The following PCNX2 variants were observed in gnomAD, a reference collection of about 807,000 sequenced individuals.
PCNX2 encodes pecanex-like protein 2.
Under a neutral mutation model 223.8 loss-of-function variants are expected in PCNX2, and 168 were observed. That is an observed-to-expected ratio of 0.75 (90% CI 0.66 to 0.85). The LOEUF is 0.85. Ranked by LOEUF, PCNX2 falls within the 40% of genes least tolerant of loss-of-function variation. PCNX2 has a pLI of 0.00. For missense variants in PCNX2, 2,507 were observed against 2,675.5 expected, an observed-to-expected ratio of 0.94 and a Z score of 1.39; for synonymous variants, 1,006 against 1,052.6, an observed-to-expected ratio of 0.96 and a Z score of 0.86.
chr1:232,989,243 A>T (rs1439975621), intron 32 of PCNX2, among the ~76,000 whole-genome samples: 1 of 152,174 alleles, frequency 6.6e-6, no homozygotes, highest in Non-Finnish European at 1.5e-5. Context: ...TCACGAGGTC[A>T]GGAGATCGAG....
intron 10 of PCNX2, among the ~76,000 whole-genome samples, chr1:233,224,260 G>A (rs976795900): frequency 2.0e-5 from 3 of 152,228 alleles, no homozygotes; most frequent in African/African-American, 7.2e-5. Flanking sequence ...GTAATGGCAA[G>A]ATATGAAATC....
At position 232,991,655 on chromosome 1, in the gene PCNX2, A is replaced by G. The variant is rs1669702851; in HGVS notation, c.5792-5115T>C. Among the ~76,000 whole-genome samples the G allele has an allele frequency of 6.6e-6, 1 of 152,186 alleles. No individual in the cohort carries two copies. Among genetic ancestry groups the G allele is most frequent in the Admixed American group, 6.5e-5 (1 of 15,286 alleles). Reference sequence around the variant, plus strand: ...TTATAAAAAGGGGACGTGTGGACACAGAGAAGTACAGGGAGAACATGATGT... The same window carrying G: ...TTATAAAAAGGGGACGTGTGGACACGGAGAAGTACAGGGAGAACATGATGT... On this transcript the variant is annotated intron_variant, in intron 32 of 33. Transcript: ENST00000258229. This position sits in a 1 kb window ranked among gnomAD's most constrained non-coding sequence, Gnocchi z 4.3.
intron 28 of PCNX2, among the ~76,000 whole-genome samples, chr1:233,007,315 C>G (rs570738225): frequency 3.3e-5 from 5 of 152,048 alleles, no homozygotes; most frequent in African/African-American, 9.6e-5. Context: ...AGGCTCCTCT[C>G]ATTCTCACGG....
chr1:233,292,009 T>C (rs1661792624), intron 1 of PCNX2: 1 of 980,928 alleles, frequency 1.0e-6, no homozygotes, highest in Non-Finnish European at 1.2e-6. Context: ...CAAACATTTC[T>C]CACAAATATA....
rs1291151326 is a variant in PCNX2 at position 233,112,718 on chromosome 1, A to T, written c.3838-16855T>A. The T allele has an allele frequency of 8.7e-6, 6 of 693,640 alleles. No individual in the cohort carries two copies. In the South Asian group the frequency reaches 9.6e-5, roughly 11 times the overall value. 43.0% of individuals were successfully genotyped at this position (693,640 alleles called of 1,614,324 possible). A position where few individuals can be genotyped will look rare whatever the true frequency, so the allele number is the denominator to read the frequency against. The stretch of plus-strand genomic sequence containing the variant: ...GTGTCTGTGTAGATCTTTGAACAAT[A>T]TAACTAAATTCACATATTTATTATA... On this transcript the variant is annotated intron_variant, in intron 21 of 33. Transcript: ENST00000258229.
chr1:233,251,416 T>A (rs1487515922), intron 7 of PCNX2, among the ~76,000 whole-genome samples: 2 of 152,214 alleles, frequency 1.3e-5, no homozygotes, highest in East Asian at 3.9e-4. Context: ...CAGTTCAGGA[T>A]ACTGAGGTGT....
intron 25 of PCNX2, among the ~76,000 whole-genome samples, chr1:233,041,701 G>A (rs561506946): frequency 3.9e-5 from 6 of 152,218 alleles, no homozygotes; most frequent in Non-Finnish European, 7.3e-5. Flanking sequence ...GTATTCTGGT[G>A]ATGACACTGA....
chr1:233,033,034 T>C (rs1030716597), intron 25 of PCNX2: 2 of 985,420 alleles, frequency 2.0e-6, no homozygotes, highest in Non-Finnish European at 2.4e-6. Flanking sequence ...TCAAAGCATA[T>C]TCCCTCCAAA....
At chr1:232,989,849 C>G (rs576613730) in intron 32 of PCNX2, among the ~76,000 whole-genome samples, 1 of 152,356 alleles carries the variant, frequency 6.6e-6, no homozygotes, top group South Asian at 2.1e-4. Context: ...GGCTGAGACC[C>G]ATAGGCAAGC....
chr1:233,018,668 G>T, intron 26 of PCNX2: 1 of 710,888 alleles, frequency 1.4e-6, no homozygotes, highest in Non-Finnish European at 1.7e-6. Context: ...TGGAGTCCCT[G>T]CCAGCGTGCA....
At chr1:232,988,389 C>T (rs533573562) in intron 32 of PCNX2, among the ~76,000 whole-genome samples, 19 of 151,682 alleles carry the variant, frequency 1.3e-4, no homozygotes, top group Admixed American at 5.3e-4. Flanking sequence ...CCCCGCCACC[C>T]GATTTCATTG....
At chr1:233,127,012 C>G (rs574633743) in intron 21 of PCNX2, among the ~76,000 whole-genome samples, 1 of 152,278 alleles carries the variant, frequency 6.6e-6, no homozygotes, top group South Asian at 2.1e-4. Context: ...TTCCCTTCTT[C>G]CCCTCACTTC....
chr1:233,227,981 G>GA (rs201374331), intron 9 of PCNX2, among the ~76,000 whole-genome samples: 2,717 of 146,372 alleles, frequency 0.019, 78 homozygotes, highest in African/African-American at 0.063. Context: ...ATTCAATTTT[G>GA]AAAAAAAAAA....
intron 19 of PCNX2, among the ~76,000 whole-genome samples, chr1:233,145,265 C>T (rs370666574): frequency 5.3e-5 from 8 of 152,150 alleles, no homozygotes; most frequent in East Asian, 1.9e-4. Flanking sequence ...TGCACCTGGC[C>T]GGTGCTATGT....
Position 233,259,167 on chromosome 1 carries a change from C to T in PCNX2, c.695G>A (p.Gly232Glu), listed in dbSNP as rs571746720. ...GCGCAAAGGAGGCTGCCCCTTGCCTCCTCTTTCCTTTCCTTTACCATTGAT... is the reference window on the plus strand; with the variant it reads ...GCGCAAAGGAGGCTGCCCCTTGCCTTCTCTTTCCTTTCCTTTACCATTGAT... ...TLINGKGKERGGKGQPPLRHR... is the reference protein window; with the variant it reads ...TLINGKGKEREGKGQPPLRHR... The change falls in exon 5 of 34, where the codon GGA (glycine) becomes GAA (glutamate). Residue 232 changes from glycine (G) to glutamate (E), a missense_variant. Gly to Glu is a moderately conservative substitution (Grantham distance 98). This residue lies in a region of PCNX2 where 1,031 missense variants were observed against 1,021.7 expected (regional missense o/e 1.01). Coordinates refer to ENST00000258229, the MANE Select transcript of PCNX2 (RefSeq NM_014801.4). The T allele has an allele frequency of 5.1e-5, 82 of 1,614,020 alleles. No homozygotes were observed. In the South Asian group the frequency reaches 8.7e-4, roughly 17 times the overall value.
intron 21 of PCNX2, among the ~76,000 whole-genome samples, chr1:233,118,538 AG>A (rs1675564214): frequency 6.6e-6 from 1 of 151,534 alleles, no homozygotes; most frequent in Admixed American, 6.6e-5. Context: ...AAGTAAATTC[AG>A]GCTTACAAAA....
At chr1:233,053,063 C>G (rs942226523) in intron 25 of PCNX2, among the ~76,000 whole-genome samples, 2 of 152,014 alleles carry the variant, frequency 1.3e-5, no homozygotes, top group Non-Finnish European at 2.9e-5. Flanking sequence ...ATTCTCCACA[C>G]AGCCACCAGA....
chr1:233,160,230 T>C (rs989443515), intron 19 of PCNX2, 53 bp downstream of exon 19: 27 of 1,561,436 alleles, frequency 1.7e-5, no homozygotes, highest in Middle Eastern at 1.9e-4. Flanking sequence ...TCCGGTTTAA[T>C]GTATACCTAC....
rs150828215 is a variant in PCNX2 at position 233,000,844 on chromosome 1, T to C, written c.5098-309A>G. On this transcript the variant is annotated intron_variant, in intron 29 of 33. Coordinates refer to ENST00000258229, the MANE Select transcript of PCNX2 (RefSeq NM_014801.4). This position sits in a 1 kb window ranked among gnomAD's most constrained non-coding sequence, Gnocchi z 4.6. ...CTCTGCACAATACCCATCTTTCTTCTAGTGGAATATCACCACCTCCTAGCC... is the reference window on the plus strand; with the variant it reads ...CTCTGCACAATACCCATCTTTCTTCCAGTGGAATATCACCACCTCCTAGCC... Among the ~76,000 whole-genome samples the C allele has an allele frequency of 3.6e-3, 554 of 152,320 alleles. No individual in the cohort carries two copies. Among genetic ancestry groups the C allele is most frequent in the Non-Finnish European group, 6.5e-3 (445 of 68,032 alleles).
Sources: allele counts gnomAD v4.1 joint callset (sites outside exome capture counted in the v4.1 genomes callset), GRCh38; gene constraint gnomAD v4.1.1; regional missense constraint gnomAD v4.1.1; non-coding constraint Gnocchi (gnomAD v3.1); transcripts MANE v1.5; gene names NCBI Gene and HGNC (gene_info 2026-07-23, HGNC 2026-07-21).